COLEC11: variants seen among roughly 807,000 people sequenced by gnomAD.
The protein encoded by COLEC11 is collectin subfamily member 11.
Under a neutral mutation model 27.3 loss-of-function variants are expected in COLEC11, and 20 were observed. The observed-to-expected ratio is 0.73, with a 90% CI of 0.51 to 1.06. The LOEUF (loss-of-function observed/expected upper bound fraction) is 1.06. Among genes scored for constraint, COLEC11 ranks in the 50% least tolerant of loss-of-function variants. The pLI is 0.00. For missense variants in COLEC11, 310 were observed against 383.0 expected (o/e 0.81, Z 1.59); for synonymous variants, 163 against 154.7 (o/e 1.05, Z -0.40).
intron 4 of COLEC11, among the ~76,000 whole-genome samples, chr2:3,639,467 C>T (rs1665685475): frequency 6.6e-6 from 1 of 152,184 alleles, no homozygotes; most frequent in Non-Finnish European, 1.5e-5. Flanking sequence ...TAAAGGAACA[C>T]AGAGGAATCA....
intron 5 of COLEC11, chr2:3,641,341 C>T: frequency 7.7e-7 from 1 of 1,302,712 alleles, no homozygotes; most frequent in Non-Finnish European, 1.0e-6. Flanking sequence ...GTGTCACTGA[C>T]TGGCCGAGCA....
At chr2:3,604,925 C>T in intron 2 of COLEC11, 1 of 403,126 alleles carries the variant, frequency 2.5e-6, no homozygotes, top group South Asian at 1.9e-5. Context: ...TAAAAAATCC[C>T]TGGTGGTCTA....
chr2:3,625,734 G>A (rs1664506756), intron 3 of COLEC11, among the ~76,000 whole-genome samples: 1 of 147,914 alleles, frequency 6.8e-6, no homozygotes, highest in Non-Finnish European at 1.5e-5. Context: ...CCGGGTTCAA[G>A]TGATTCTCCT....
intron 3 of COLEC11, among the ~76,000 whole-genome samples, chr2:3,630,269 G>A (rs1026228023): frequency 1.3e-5 from 2 of 152,144 alleles, no homozygotes; most frequent in African/African-American, 2.4e-5. Flanking sequence ...ATGCATGTAT[G>A]TGTGTATAGT....
rs1374263238 is a variant in COLEC11, at chr2:3,640,348, C to T, written c.328+17C>T. The T allele has an allele frequency of 6.8e-7, 1 of 1,469,060 alleles. No homozygotes were observed. The highest frequency in any genetic ancestry group is 1.1e-5 in the South Asian group (1 of 87,758). 91.0% of individuals were successfully genotyped at this position (1,469,060 alleles called of 1,614,324 possible). A position where few individuals can be genotyped will look rare whatever the true frequency, so the allele number is the denominator to read the frequency against. On this transcript the variant is annotated intron_variant, in intron 5 of 6. Coordinates refer to ENST00000349077, the MANE Select transcript of COLEC11 (RefSeq NM_024027.5). ...GAGAACCAGGTATGGCATAAAGGGT[C>T]CAAGGATTTTTAATAAAATGTATTA...
chr2:3,600,234 CA>C (rs35252259), intron 1 of COLEC11, among the ~76,000 whole-genome samples: 227 of 80,626 alleles, frequency 2.8e-3, no homozygotes, highest in South Asian at 5.1e-3. Flanking sequence ...GACTCTGTCT[CA>C]AAAAAAAAAA....
chr2:3,626,553 G>A (rs766088851), intron 3 of COLEC11, among the ~76,000 whole-genome samples: 4 of 152,306 alleles, frequency 2.6e-5, no homozygotes, highest in South Asian at 2.1e-4. Context: ...ATTATTCTCC[G>A]TTTGCACAGA....
At chr2:3,614,003 G>C (rs1293626372) in intron 3 of COLEC11, among the ~76,000 whole-genome samples, 6 of 125,634 alleles carry the variant, frequency 4.8e-5, no homozygotes, top group Non-Finnish European at 9.5e-5. Flanking sequence ...TTGAGACTGA[G>C]TCTTGCTCTG....
intron 3 of COLEC11, among the ~76,000 whole-genome samples, chr2:3,634,496 T>A (rs1665240350): frequency 6.6e-6 from 1 of 152,098 alleles, no homozygotes; most frequent in South Asian, 2.1e-4. Context: ...TCAGTTATAT[T>A]CCAGGGAGAA....
At chr2:3,641,257 AGAT>A (rs1380547395) in intron 5 of COLEC11, 5 of 1,304,198 alleles carry the variant, frequency 3.8e-6, no homozygotes, top group Non-Finnish European at 3.0e-6. Context: ...GGCACCGCAG[AGAT>A]GAGGAGGAAC....
At chr2:3,620,204 G>A (rs938715462) in intron 3 of COLEC11, among the ~76,000 whole-genome samples, 7 of 151,948 alleles carry the variant, frequency 4.6e-5, no homozygotes, top group Admixed American at 3.3e-4. Flanking sequence ...GCCTTTCTTC[G>A]ATTGGAGATT....
At chr2:3,616,100 A>T (rs1487393107) in intron 3 of COLEC11, among the ~76,000 whole-genome samples, 1 of 125,446 alleles carries the variant, frequency 8.0e-6, no homozygotes, top group Non-Finnish European at 1.7e-5. Context: ...TCGGGCAGAG[A>T]CACTCCTCAG....
intron 1 of COLEC11, chr2:3,603,542 C>T (rs1313794159): frequency 9.3e-7 from 1 of 1,071,736 alleles, no homozygotes. Context: ...GTCTCGAACT[C>T]CCGACTTTAG....
At chr2:3,597,979 A>G (rs1018952240) in intron 1 of COLEC11, among the ~76,000 whole-genome samples, 1 of 152,032 alleles carries the variant, frequency 6.6e-6, no homozygotes, top group African/African-American at 2.4e-5. Context: ...CTTATCACTC[A>G]GGCTAGAGGG....
intron 2 of COLEC11, among the ~76,000 whole-genome samples, chr2:3,609,310 C>A (rs113847440): frequency 8.5e-6 from 1 of 118,246 alleles, no homozygotes; most frequent in East Asian, 2.5e-4. Flanking sequence ...TTCAGGGTCT[C>A]TTTCCGTGCC....
At chr2:3,631,404 A>G (rs905154433) in intron 3 of COLEC11, among the ~76,000 whole-genome samples, 2 of 152,172 alleles carry the variant, frequency 1.3e-5, no homozygotes, top group Admixed American at 6.5e-5. Flanking sequence ...ACATCTGCCT[A>G]CTATCAGGGT....
At chr2:3,601,950 G>A (rs953112435) in intron 1 of COLEC11, 4 of 152,202 alleles carry the variant, frequency 2.6e-5, no homozygotes, top group Non-Finnish European at 4.4e-5. Flanking sequence ...CGAGCTGCAG[G>A]GCTATCTTGG....
At chr2:3,621,416 T>A (rs1217759714) in intron 3 of COLEC11, among the ~76,000 whole-genome samples, 1 of 152,228 alleles carries the variant, frequency 6.6e-6, no homozygotes, top group East Asian at 1.9e-4. Context: ...CTATGTGTGA[T>A]CTTAAAGCTG....
At chr2:3,603,761 G>C (rs72767190) in intron 1 of COLEC11, 35 of 1,218,954 alleles carry the variant, frequency 2.9e-5, no homozygotes, top group Non-Finnish European at 3.7e-5. Flanking sequence ...GGTTCCTAAG[G>C]CCGGGGCTCC....
Sources: gnomAD v4.1 joint callset for allele counts (sites outside exome capture counted in the v4.1 genomes callset) on GRCh38, gnomAD v4.1.1 for gene constraint, MANE v1.5 for transcripts, NCBI Gene and HGNC (gene_info 2026-07-23, HGNC 2026-07-21) for gene names.